The following SEMG2 variants were observed in gnomAD, a reference collection of about 807,000 sequenced individuals.
The protein encoded by SEMG2 is semenogelin 2.
Under a neutral mutation model 8.1 loss-of-function variants are expected in SEMG2, and 3 were observed. The observed-to-expected ratio is 0.37, with a 90% CI of 0.17 to 0.96. The LOEUF (loss-of-function observed/expected upper bound fraction) is 0.96. SEMG2 is among the 40% of genes least tolerant of loss of function. The pLI is 0.41. For synonymous variants in SEMG2, 252 were observed against 231.4 expected (o/e 1.09, Z -0.81); for missense variants, 726 against 671.2 (o/e 1.08, Z -0.90).
In SEMG2 at chr20:45,223,188, C is replaced by T. The variant is rs757842288; in HGVS notation, c.1556C>T (p.Ser519Phe). The change falls in exon 2 of 3, where the codon TCT (serine) becomes TTT (phenylalanine). Residue 519 changes from serine (S) to phenylalanine (F), a missense_variant. By Grantham distance (155) the Ser-to-Phe change is radical. Coordinates refer to ENST00000372769, the MANE Select transcript of SEMG2 (RefSeq NM_003008.3). Reference sequence around the variant, plus strand: ...CCAAATCCTAATCAAGATCAATGGTCTGGCCAAAATGCAAAAGGAAAGTCT... The same window carrying T: ...CCAAATCCTAATCAAGATCAATGGTTTGGCCAAAATGCAAAAGGAAAGTCT... ...QTPNPNQDQW[S>F]GQNAKGKSGQ... 1.2e-6 allele frequency: 2 copies of T among 1,614,146 alleles called. No homozygotes were observed. The highest frequency in any genetic ancestry group is 1.7e-6 in the Non-Finnish European group (2 of 1,180,004).
At chr20:45,223,935 A>C (rs1205377772) in intron 2 of SEMG2, among the ~76,000 whole-genome samples, 1 of 152,200 alleles carries the variant, frequency 6.6e-6, no homozygotes, top group Non-Finnish European at 1.5e-5. Context: ...TATAGGAAAG[A>C]TATGAGTAGA....
chr20:45,221,387 A>T lies in SEMG2; in HGVS notation c.-3A>T. On this transcript the variant is annotated 5_prime_UTR_variant, in exon 1 of 3. Transcript: ENST00000372769. The stretch of plus-strand genomic sequence containing the variant: ...AGTTCTCAGACAAGATTTTTCAAGC[A>T]AGATGAAGTCCATCATCCTCTTTGT... 1 of 1,613,944 alleles carries T rather than the reference A, an allele frequency of 6.2e-7. No homozygotes were observed. Among genetic ancestry groups the T allele is most frequent in the Non-Finnish European group, 8.5e-7 (1 of 1,179,854 alleles).
rs1316402800 is a variant in SEMG2, at chr20:45,222,639, A to T, written c.1007A>T (p.Asp336Val). 2 of 1,613,858 alleles carry T rather than the reference A, an allele frequency of 1.2e-6. No homozygotes were observed. The highest frequency in any genetic ancestry group is 1.7e-6 in the Non-Finnish European group (2 of 1,179,938). Reference sequence around the variant, plus strand: ...AACCAGGTAACAATTCATAGTCAAGATCAAGAGCATGGCCATAAGGAAAAT... The same window carrying T: ...AACCAGGTAACAATTCATAGTCAAGTTCAAGAGCATGGCCATAAGGAAAAT... ...SQNQVTIHSQDQEHGHKENKI... is the reference protein window; with the variant it reads ...SQNQVTIHSQVQEHGHKENKI... The change falls in exon 2 of 3, where the codon GAT (aspartate) becomes GTT (valine). Residue 336 changes from aspartate (D) to valine (V), a missense_variant. By Grantham distance (152) the Asp-to-Val change is radical. Transcript: ENST00000372769.
Position 45,222,854 on chromosome 20 carries a change from T to C in SEMG2, c.1222T>C (p.Tyr408His). 6.2e-7 allele frequency: 1 copy of C among 1,613,704 alleles called. No homozygotes were observed. The highest frequency in any genetic ancestry group is 8.5e-7 in the Non-Finnish European group (1 of 1,179,936). ...EYGHKENKIS[Y>H]QSSSTEERRL... ...TGGCCATAAGGAAAATAAAATATCA[T>C]ACCAATCTTCGAGTACAGAAGAAAG... Residue 408 changes from tyrosine (Y) to histidine (H), a missense_variant, in exon 2 of 3, where the codon TAC becomes CAC. Coordinates refer to ENST00000372769, the MANE Select transcript of SEMG2 (RefSeq NM_003008.3).
Position 45,222,143 on chromosome 20 carries a change from C to T in SEMG2, c.511C>T (p.Leu171=), listed in dbSNP as rs750588135. 2 of 1,614,082 alleles carry T rather than the reference C, an allele frequency of 1.2e-6. No homozygotes were observed. Among genetic ancestry groups the T allele is most frequent in the Admixed American group, 1.7e-5 (1 of 60,024 alleles). Residue 171 remains leucine, a synonymous_variant, in exon 2 of 3, where the codon CTA becomes TTA. Coordinates refer to ENST00000372769, the MANE Select transcript of SEMG2 (RefSeq NM_003008.3). ...AGAAAAAAGGCTATGGGTTCATGGA[C>T]TAAGTAAAGAACAAGCTTCAGCCTC... The part of the protein sequence containing the change: ...NTEKRLWVHG[L]SKEQASASGA...
Position 45,223,422 on chromosome 20 carries a change from C to A in SEMG2, c.*41C>A. The A allele has an allele frequency of 1.4e-6, 2 of 1,454,222 alleles. No homozygotes were observed. The highest frequency in any genetic ancestry group is 1.3e-5 in the South Asian group (1 of 78,894). 90.1% of individuals were successfully genotyped at this position (1,454,222 alleles called of 1,614,324 possible). ...ACCACTTGAAAAGCTGGACCAATAG[C>A]AAGGTAAGTTTGCTTTTCTTACCAA... On this transcript the variant is annotated 3_prime_UTR_variant, in exon 2 of 3. Transcript: ENST00000372769.
rs147264299 is a variant in SEMG2, at chr20:45,222,565, A to C, written c.933A>C (p.Lys311Asn). ...AGAGTGTACAGAAAGATGTATCCAA[A>C]GGCAGCATTTCTATCCAAACTGAAG... ...GEKSVQKDVS[K>N]GSISIQTEEK... Residue 311 changes from lysine to asparagine, a missense_variant, in exon 2 of 3, where the codon AAA becomes AAC. Coordinates refer to ENST00000372769, the MANE Select transcript of SEMG2 (RefSeq NM_003008.3). 1 of 1,614,092 alleles carries C rather than the reference A, an allele frequency of 6.2e-7. No homozygotes were observed. Among genetic ancestry groups the C allele is most frequent in the African/African-American group, 1.3e-5 (1 of 74,942 alleles).
chr20:45,221,470 G>A lies in SEMG2; in HGVS notation c.76+5G>A, dbSNP rs1485772363. On this transcript the variant is annotated splice_donor_5th_base_variant and intron_variant, in intron 1 of 2. Transcript: ENST00000372769. ...CAGCTGTGATGGGACAAAAAGGTGA[G>A]TGGAGAGGGTAAGCCTTGGGGAAAG... 1.2e-6 allele frequency: 2 copies of A among 1,614,112 alleles called. No homozygotes were observed. Among genetic ancestry groups the A allele is most frequent in the Middle Eastern group, 1.6e-4 (1 of 6,062 alleles).
Position 45,223,509 on chromosome 20 carries a change from A to T in SEMG2, c.*44+84A>T, listed in dbSNP as rs996431017. 47 of 617,904 alleles carry T rather than the reference A, an allele frequency of 7.6e-5. 1 individual carries two copies. The African/African-American group carries it at 8.0e-4, about 10-fold the overall frequency. The allele number at this position is 617,904 out of a possible 1,614,324, so 38.3% of individuals were successfully genotyped here. A position where few individuals can be genotyped will look rare whatever the true frequency, so the allele number is the denominator to read the frequency against. ...CAGGAACATGGTAGGACTGATAACC[A>T]TTGTTCACATCAATAGAAGTGCTAT... On this transcript the variant is annotated intron_variant, in intron 2 of 2. Coordinates refer to ENST00000372769, the MANE Select transcript of SEMG2 (RefSeq NM_003008.3).
rs1259161348 is a variant in SEMG2 at position 45,221,413 on chromosome 20, C to T, written c.24C>T (p.Val8=). 5 of 1,614,116 alleles carry T rather than the reference C, an allele frequency of 3.1e-6. No homozygotes were observed. The East Asian group carries it at 8.9e-5, about 29-fold the overall frequency. Residue 8 remains valine (V), a synonymous_variant, in exon 1 of 3, where the codon GTC becomes GTT. Transcript: ENST00000372769. ...AGATGAAGTCCATCATCCTCTTTGT[C>T]CTTTCCCTGCTCCTTATCTTGGAGA... MKSIILF[V]LSLLLILEKQ... is the part of the protein sequence containing the mutation.
rs1209098047 is a variant in SEMG2, at chr20:45,221,466, G to A, written c.76+1G>A. On this transcript the variant is annotated splice_donor_variant, in intron 1 of 2. Transcript: ENST00000372769. LOFTEE classifies it high-confidence loss of function. ...CAAGCAGCTGTGATGGGACAAAAAG[G>A]TGAGTGGAGAGGGTAAGCCTTGGGG... The A allele has an allele frequency of 6.2e-7, 1 of 1,614,114 alleles. No homozygotes were observed. Among genetic ancestry groups the A allele is most frequent in the Non-Finnish European group, 8.5e-7 (1 of 1,179,986 alleles).
chr20:45,221,499 CT>C (rs1984011514), intron 1 of SEMG2, 34 bp downstream of exon 1: 3 of 1,609,890 alleles, frequency 1.9e-6, no homozygotes, highest in Admixed American at 1.7e-5. Context: ...GGGAAAGCTA[CT>C]TTAAAAAAAT....
chr20:45,221,870 C>G lies in SEMG2; in HGVS notation c.238C>G (p.Arg80Gly). Residue 80 changes from arginine (R) to glycine (G), a missense_variant, in exon 2 of 3, where the codon CGA becomes GGA. Transcript: ENST00000372769. The part of the protein sequence containing the change: ...HVDINDHDWT[R>G]KSQQYDLNAL... ...AGACATCAATGATCATGACTGGACC[C>G]GAAAAAGTCAGCAATATGATTTGAA... 1 of 1,613,762 alleles carries G rather than the reference C, an allele frequency of 6.2e-7. No homozygotes were observed.
chr20:45,221,760 A>G lies in SEMG2; in HGVS notation c.128A>G (p.Gln43Arg). ...GGATCTTCCCAATTTCCACATGGAC[A>G]AAAGGGCCAGCACTATTTTGGACAA... ...PSGSSQFPHG[Q>R]KGQHYFGQKD... is the part of the protein sequence containing the mutation. The change falls in exon 2 of 3, where the codon CAA (glutamine) becomes CGA (arginine). Residue 43 changes from glutamine to arginine, a missense_variant. Physicochemically the swap from Gln to Arg is conservative, Grantham distance 43. Transcript: ENST00000372769. 6.2e-7 allele frequency: 1 copy of G among 1,611,932 alleles called. No individual in the cohort carries two copies.
Position 45,222,745 on chromosome 20 carries a change from A to G in SEMG2, c.1113A>G (p.Lys371=), listed in dbSNP as rs202071614. The part of the protein sequence containing the change: ...GEKGIQKGVS[K]GSISIQTEEQ... ...AGGGCATCCAGAAAGGTGTATCCAAAGGCAGTATTTCGATCCAAACTGAAG... is the reference window on the plus strand; with the variant it reads ...AGGGCATCCAGAAAGGTGTATCCAAGGGCAGTATTTCGATCCAAACTGAAG... The change falls in exon 2 of 3, where the codon AAA becomes AAG. Residue 371 remains lysine (K), a synonymous_variant. Coordinates refer to ENST00000372769, the MANE Select transcript of SEMG2 (RefSeq NM_003008.3). 7 of 1,614,104 alleles carry G rather than the reference A, an allele frequency of 4.3e-6. No homozygotes were observed. Among genetic ancestry groups the G allele is most frequent in the Non-Finnish European group, 5.9e-6 (7 of 1,180,002 alleles).
intron 1 of SEMG2, 116 bp from the exon 2 acceptor site, chr20:45,221,592 AC>A: frequency 7.2e-7 from 1 of 1,397,798 alleles, no homozygotes; most frequent in South Asian, 1.3e-5. Context: ...ATTTTTCTCC[AC>A]CCAACGCTGT....
rs758141970 is a variant in SEMG2 at position 45,222,946 on chromosome 20, T to C, written c.1314T>C (p.Thr438=). 6.2e-7 allele frequency: 1 copy of C among 1,613,526 alleles called. No individual in the cohort carries two copies. Among genetic ancestry groups the C allele is most frequent in the Non-Finnish European group, 8.5e-7 (1 of 1,179,938 alleles). ...CCAAAGGCAGTATTTCTATCCAAAC[T>C]GAAGAGAAAATACATGGCAAGTCTC... ...GVSKGSISIQ[T]EEKIHGKSQN... The change falls in exon 2 of 3, where the codon ACT becomes ACC. Residue 438 remains threonine (T), a synonymous_variant. Coordinates refer to ENST00000372769, the MANE Select transcript of SEMG2 (RefSeq NM_003008.3).
Position 45,223,101 on chromosome 20 carries a change from C to A in SEMG2, c.1469C>A (p.Ser490Tyr). 6.2e-7 allele frequency: 1 copy of A among 1,614,098 alleles called. No individual in the cohort carries two copies. Reference protein sequence around the residue: ...YGGKSTQKDVSQSSISFQIEK... With the variant: ...YGGKSTQKDVYQSSISFQIEK... ...GGAAAGAGCACGCAGAAAGATGTAT[C>A]CCAAAGCAGTATTTCTTTCCAAATT... is the stretch of plus-strand genomic sequence containing the variant. Residue 490 changes from serine (S) to tyrosine (Y), a missense_variant, in exon 2 of 3, where the codon TCC becomes TAC. Coordinates refer to ENST00000372769, the MANE Select transcript of SEMG2 (RefSeq NM_003008.3).
chr20:45,221,856 A>T lies in SEMG2; in HGVS notation c.224A>T (p.Asp75Val), dbSNP rs958045951. The T allele has an allele frequency of 1.2e-6, 2 of 1,614,058 alleles. No homozygotes were observed. Among genetic ancestry groups the T allele is most frequent in the African/African-American group, 1.3e-5 (1 of 74,952 alleles). Residue 75 changes from aspartate to valine, a missense_variant, in exon 2 of 3, where the codon GAT becomes GTT. Asp to Val is a radical substitution (Grantham distance 152). Coordinates refer to ENST00000372769, the MANE Select transcript of SEMG2 (RefSeq NM_003008.3). ...IQHTYHVDIN[D>V]HDWTRKSQQY... Reference sequence around the variant, plus strand: ...CACACATATCATGTAGACATCAATGATCATGACTGGACCCGAAAAAGTCAG... The same window carrying T: ...CACACATATCATGTAGACATCAATGTTCATGACTGGACCCGAAAAAGTCAG...
Sources: gnomAD v4.1 joint callset for allele counts (sites outside exome capture counted in the v4.1 genomes callset) on GRCh38, gnomAD v4.1.1 for gene constraint, MANE v1.5 for transcripts, NCBI Gene and HGNC (gene_info 2026-07-23, HGNC 2026-07-21) for gene names.